Variants in BCL2L14 observed in about 807,000 individuals in gnomAD.
BCL2L14 encodes the protein apoptosis facilitator Bcl-2-like protein 14.
A neutral mutation model predicts 35.3 loss-of-function variants in BCL2L14; 27 were observed. That is an observed-to-expected ratio of 0.76 (90% CI 0.56 to 1.05). The LOEUF is 1.05. Ranked by LOEUF, BCL2L14 falls within the 50% of genes least tolerant of loss-of-function variation. The pLI is 0.00. For missense variants in BCL2L14, 377 were observed against 382.6 expected (o/e 0.99, Z 0.12); for synonymous variants, 139 against 145.9 (o/e 0.95, Z 0.34).
chr12:12,063,731 C>G (rs149270547), intron 2 of BCL2L14, among the ~76,000 whole-genome samples: 1 of 152,140 alleles, frequency 6.6e-6, no homozygotes, highest in East Asian at 1.9e-4. Flanking sequence ...GTGACCTGCA[C>G]GTACACATCC....
chr12:12,067,317 G>A (rs536931773), upstream of BCL2L14, among the ~76,000 whole-genome samples: 68 of 152,274 alleles, frequency 4.5e-4, no homozygotes, highest in African/African-American at 1.3e-3. Flanking sequence ...TTGGGAGGCT[G>A]AGGCAGACAA....
chr12:12,088,696 G>A (rs1949101276), intron 3 of BCL2L14, among the ~76,000 whole-genome samples: 1 of 152,122 alleles, frequency 6.6e-6, no homozygotes, highest in African/African-American at 2.4e-5. Context: ...TCCTCTAACA[G>A]TGAGGCCAAG....
Position 12,079,372 on chromosome 12 carries a change from G to A in BCL2L14, c.67G>A (p.Glu23Lys). 1.2e-6 allele frequency: 2 copies of A among 1,614,162 alleles called. No homozygotes were observed. The highest frequency in any genetic ancestry group is 1.7e-5 in the Admixed American group (1 of 60,008). The change falls in exon 2 of 6, where the codon GAA becomes AAA. Residue 23 changes from glutamate to lysine, a missense_variant. Transcript: ENST00000308721. ...AGATGATGATGACCTAAACACCATA[G>A]AATTCAAAATCCTCGCCTACTACAC... The part of the protein sequence containing the change: ...PLDDDDLNTI[E>K]FKILAYYTRH...
At chr12:12,081,264 A>G (rs1230300997) in intron 2 of BCL2L14, among the ~76,000 whole-genome samples, 1 of 152,026 alleles carries the variant, frequency 6.6e-6, no homozygotes, top group East Asian at 1.9e-4. Flanking sequence ...GCCTGGCATC[A>G]TAGCAAGACC....
rs779314583 is a variant in BCL2L14 at position 12,079,640 on chromosome 12, T to C, written c.335T>C (p.Val112Ala). 2.5e-6 allele frequency: 4 copies of C among 1,614,026 alleles called. No homozygotes were observed. The highest frequency in any genetic ancestry group is 2.5e-6 in the Non-Finnish European group (3 of 1,180,038). Residue 112 changes from valine to alanine, a missense_variant, in exon 2 of 6, where the codon GTC becomes GCC. By Grantham distance (64) the Val-to-Ala change is moderately conservative. Coordinates refer to ENST00000308721, the MANE Select transcript of BCL2L14 (RefSeq NM_138723.2). ...GATTCGCAGAGCACGCCTGCCAAGG[T>C]CTCTGCTCAGGGTCAAAGGACGTTG... Reference protein sequence around the residue: ...KEDSQSTPAKVSAQGQRTLEY... With the variant: ...KEDSQSTPAKASAQGQRTLEY...
chr12:12,065,599 T>G (rs1184657754), intron 2 of BCL2L14, among the ~76,000 whole-genome samples: 1 of 150,002 alleles, frequency 6.7e-6, no homozygotes, highest in Non-Finnish European at 1.5e-5. Flanking sequence ...CTTCTGGAGG[T>G]GGCAAACTGT....
intron 2 of BCL2L14, among the ~76,000 whole-genome samples, chr12:12,063,091 C>T (rs1948549262): frequency 6.6e-6 from 1 of 152,102 alleles, no homozygotes; most frequent in Non-Finnish European, 1.5e-5. Flanking sequence ...AGCAGACCAA[C>T]TTAGACTGTG....
chr12:12,055,015 C>T (rs1171049093), intron 2 of BCL2L14: 2 of 151,372 alleles, frequency 1.3e-5, no homozygotes, highest in Non-Finnish European at 2.9e-5. Context: ...AGGAAAATGA[C>T]ATCCCTCCAG....
At chr12:12,088,860 G>C (rs561595268) in intron 3 of BCL2L14, among the ~76,000 whole-genome samples, 86 of 151,662 alleles carry the variant, frequency 5.7e-4, no homozygotes, top group African/African-American at 2.1e-3. Flanking sequence ...AGCTGGAGGA[G>C]AGGAGGAGGC....
At chr12:12,091,776 C>T (rs529253426) in intron 4 of BCL2L14, among the ~76,000 whole-genome samples, 1 of 152,026 alleles carries the variant, frequency 6.6e-6, no homozygotes, top group Non-Finnish European at 1.5e-5. Flanking sequence ...AGCTTTGGGA[C>T]CACAAGTAGA....
At chr12:12,095,824 T>C (rs1949302110) in intron 5 of BCL2L14, 2 of 985,252 alleles carry the variant, frequency 2.0e-6, no homozygotes, top group Admixed American at 6.2e-5. Flanking sequence ...GTGCCCGCCA[T>C]GGTCTTCAGT....
intron 2 of BCL2L14, among the ~76,000 whole-genome samples, chr12:12,062,330 T>C (rs1948538323): frequency 6.9e-6 from 1 of 145,014 alleles, no homozygotes; most frequent in African/African-American, 2.7e-5. Flanking sequence ...CATATTTCCT[T>C]CTTTCCTGTT....
At chr12:12,084,984 G>A (rs565209955) in intron 2 of BCL2L14, among the ~76,000 whole-genome samples, 1 of 151,276 alleles carries the variant, frequency 6.6e-6, no homozygotes, top group African/African-American at 2.4e-5. Context: ...ACAGGAGGCT[G>A]AGGCAGAGAG....
chr12:12,078,437 C>T (rs1948830646), intron 1 of BCL2L14, among the ~76,000 whole-genome samples: 1 of 152,192 alleles, frequency 6.6e-6, no homozygotes, highest in Non-Finnish European at 1.5e-5. Flanking sequence ...TTGAAATGTA[C>T]TGATCAACGT....
At chr12:12,060,046 C>T (rs895317914) in intron 2 of BCL2L14, among the ~76,000 whole-genome samples, 25 of 151,890 alleles carry the variant, frequency 1.6e-4, no homozygotes, top group Non-Finnish European at 3.5e-4. Context: ...TCTTTCTAAT[C>T]TTCCTTTTCT....
chr12:12,090,651 A>T (rs1444398895), intron 3 of BCL2L14, 128 bp from the exon 4 acceptor site: 14 of 616,362 alleles, frequency 2.3e-5, no homozygotes, highest in East Asian at 6.3e-5. Context: ...AAAAATAAAA[A>T]AAAAAAAAAG....
chr12:12,058,950 C>T (rs565325698), intron 2 of BCL2L14, among the ~76,000 whole-genome samples: 1 of 152,336 alleles, frequency 6.6e-6, no homozygotes, highest in South Asian at 2.1e-4. Context: ...TCTTTTTACT[C>T]TCTTCTCCAA....
chr12:12,058,991 C>T (rs1379238765), intron 2 of BCL2L14, among the ~76,000 whole-genome samples: 2 of 152,246 alleles, frequency 1.3e-5, no homozygotes, highest in Non-Finnish European at 2.9e-5. Context: ...TTTCTCCTTT[C>T]AATCTTGGCG....
At chr12:12,098,032 T>A (rs1949354001) in intron 5 of BCL2L14, among the ~76,000 whole-genome samples, 1 of 150,166 alleles carries the variant, frequency 6.7e-6, no homozygotes, top group Admixed American at 6.7e-5. Flanking sequence ...GTGAGAGGGA[T>A]GACTAATTTT....
Sources: gnomAD v4.1 joint callset for allele counts (sites outside exome capture counted in the v4.1 genomes callset) on GRCh38, gnomAD v4.1.1 for gene constraint, MANE v1.5 for transcripts, NCBI Gene and HGNC (gene_info 2026-07-23, HGNC 2026-07-21) for gene names.